CRB1: variants seen among roughly 807,000 people sequenced by gnomAD.
CRB1 encodes the protein crumbs cell polarity complex component 1, also known as protein crumbs homolog 1.
In CRB1, 83 loss-of-function variants were observed where a neutral mutation model predicts 120.0. The ratio of observed to expected loss-of-function variants is 0.69; its 90% CI spans 0.58 to 0.83. CRB1 has a LOEUF of 0.83. Among genes scored for constraint, CRB1 ranks in the 40% least tolerant of loss-of-function variants. The probability of loss-of-function intolerance (pLI) is 0.00; values close to 1 mark genes in which losing one functional copy is unlikely to be tolerated. For synonymous variants in CRB1, 625 were observed against 612.5 expected (o/e 1.02, Z -0.30); for missense variants, 1,699 against 1,687.6 (o/e 1.01, Z -0.12).
At chr1:197,260,098 CTG>C in the CRB1 span, among the ~76,000 whole-genome samples, 1 of 151,610 alleles carries the variant, frequency 6.6e-6, no homozygotes, top group East Asian at 1.9e-4. Flanking sequence ...TGGCCACAAA[CTG>C]AGATTGCGCT....
intron 5 of CRB1, among the ~76,000 whole-genome samples, chr1:197,414,222 A>G (rs1020449942): frequency 1.3e-5 from 2 of 152,182 alleles, no homozygotes; most frequent in Non-Finnish European, 2.9e-5. Context: ...TCCTAAGTCA[A>G]TCAAAACAGA....
At chr1:197,458,091 G>T (rs1250973905) in intron 11 of CRB1, among the ~76,000 whole-genome samples, 1 of 152,036 alleles carries the variant, frequency 6.6e-6, no homozygotes, top group South Asian at 2.1e-4. Flanking sequence ...CCGAACGAGG[G>T]TTATAGACAA....
rs1262250136 is a variant in CRB1 at position 197,477,797 on chromosome 1, G to A, written c.4139G>A (p.Ser1380Asn). The change falls in exon 12 of 12, where the codon AGC (serine) becomes AAC (asparagine). Residue 1380 changes from serine (S) to asparagine (N), a missense_variant. Physicochemically the swap from Ser to Asn is conservative, Grantham distance 46. Coordinates refer to ENST00000367400, the MANE Select transcript of CRB1 (RefSeq NM_201253.3). ...AAAAGGGCAACTCAGGGAACCTACA[G>A]CCCCAGCCGTCAGGAGAAGGAGGGC... Reference protein sequence around the residue: ...SNKRATQGTYSPSRQEKEGSR... With the variant: ...SNKRATQGTYNPSRQEKEGSR... The A allele has an allele frequency of 6.2e-7, 1 of 1,613,864 alleles. No individual in the cohort carries two copies. The highest frequency in any genetic ancestry group is 1.7e-5 in the Admixed American group (1 of 59,970).
chr1:197,281,964 T>C (rs1402434554), intron 1 of CRB1, among the ~76,000 whole-genome samples: 1 of 150,832 alleles, frequency 6.6e-6, no homozygotes, highest in South Asian at 2.1e-4. Flanking sequence ...AAGAGTATAA[T>C]AAAAAAAATT....
intron 5 of CRB1, among the ~76,000 whole-genome samples, chr1:197,381,291 T>C (rs1661943119): frequency 6.6e-6 from 1 of 152,196 alleles, no homozygotes; most frequent in South Asian, 2.1e-4. Context: ...ATATATATAA[T>C]AGAAAAATAA....
chr1:197,301,971 A>G (rs927517206), intron 1 of CRB1, among the ~76,000 whole-genome samples: 6 of 152,240 alleles, frequency 3.9e-5, no homozygotes, highest in African/African-American at 1.2e-4. Flanking sequence ...AGAATATTAC[A>G]TAAACATAAC....
Position 197,447,942 on chromosome 1 carries a change from C to G in CRB1, c.4005+5650C>G, listed in dbSNP as rs547996948. On this transcript the variant is annotated intron_variant, in intron 11 of 11. Transcript: ENST00000367400. ...GTCTGTGCTGTATTCTGCATATATT[C>G]CCTATTGCTATCTTCCAAGCACTGA... Among the ~76,000 whole-genome samples the G allele has an allele frequency of 4.6e-5, 7 of 151,812 alleles. No individual in the cohort carries two copies. In the East Asian group the frequency reaches 1.4e-3, roughly 29 times the overall value.
At chr1:197,284,765 T>C (rs1289772942) in intron 1 of CRB1, among the ~76,000 whole-genome samples, 4 of 151,820 alleles carry the variant, frequency 2.6e-5, no homozygotes, top group African/African-American at 9.7e-5. Flanking sequence ...ATTGAATTTG[T>C]TTTTTCAAAA....
chr1:197,302,015 C>T (rs917674145), intron 1 of CRB1, among the ~76,000 whole-genome samples: 18 of 152,112 alleles, frequency 1.2e-4, no homozygotes, highest in African/African-American at 4.3e-4. Context: ...AGAGGATTGA[C>T]TCCAATTTTG....
At chr1:197,256,290 T>A in the CRB1 span, among the ~76,000 whole-genome samples, 2 of 151,836 alleles carry the variant, frequency 1.3e-5, no homozygotes, top group Admixed American at 1.3e-4. Flanking sequence ...CTTGGTCTTG[T>A]TCTTTTAGAT....
chr1:197,246,663 GA>G, the CRB1 span, among the ~76,000 whole-genome samples: 1 of 151,878 alleles, frequency 6.6e-6, no homozygotes. Context: ...TTAAGTGATT[GA>G]AAAAAAGATC....
At chr1:197,316,209 G>A (rs1210928415) in intron 1 of CRB1, among the ~76,000 whole-genome samples, 1 of 151,540 alleles carries the variant, frequency 6.6e-6, no homozygotes, top group Non-Finnish European at 1.5e-5. Flanking sequence ...TTTTGAGACG[G>A]AGTCTCACTC....
At chr1:197,353,028 G>T (rs1436913397) in intron 4 of CRB1, among the ~76,000 whole-genome samples, 5 of 152,152 alleles carry the variant, frequency 3.3e-5, no homozygotes, top group Non-Finnish European at 7.4e-5. Context: ...TAAATAAAAT[G>T]AACACAGTCT....
At chr1:197,301,189 C>T (rs557204950) in intron 1 of CRB1, among the ~76,000 whole-genome samples, 33 of 150,516 alleles carry the variant, frequency 2.2e-4, no homozygotes, top group African/African-American at 6.8e-4. Flanking sequence ...TTTTTAAGAC[C>T]GAGTATCACT....
chr1:197,375,913 G>A (rs933400455), intron 5 of CRB1, among the ~76,000 whole-genome samples: 2 of 151,836 alleles, frequency 1.3e-5, no homozygotes, highest in Admixed American at 6.6e-5. Flanking sequence ...TTCACTTCCC[G>A]GTAACCTCCC....
At chr1:197,210,437 C>A in the CRB1 span, among the ~76,000 whole-genome samples, 1 of 152,148 alleles carries the variant, frequency 6.6e-6, no homozygotes, top group African/African-American at 2.4e-5. Context: ...AAGGTAGAAA[C>A]CCTAACTGAG....
chr1:197,276,534 A>C (rs1297622203), intron 1 of CRB1, among the ~76,000 whole-genome samples: 4 of 151,876 alleles, frequency 2.6e-5, no homozygotes, highest in African/African-American at 9.7e-5. Context: ...AAGAGAGACA[A>C]AAACCAAATA....
intron 11 of CRB1, among the ~76,000 whole-genome samples, chr1:197,472,602 A>G (rs1571633974): frequency 6.6e-6 from 1 of 152,312 alleles, no homozygotes; most frequent in African/African-American, 2.4e-5. Flanking sequence ...GGCCCTAAAT[A>G]TCATGAAAGA....
At chr1:197,225,145 G>A in the CRB1 span, among the ~76,000 whole-genome samples, 1 of 151,632 alleles carries the variant, frequency 6.6e-6, no homozygotes, top group Non-Finnish European at 1.5e-5. Flanking sequence ...TCTTGTCCAA[G>A]TCCATACAAT....
Sources: allele counts gnomAD v4.1 joint callset (sites outside exome capture counted in the v4.1 genomes callset), GRCh38; gene constraint gnomAD v4.1.1; transcripts MANE v1.5; gene names NCBI Gene and HGNC (gene_info 2026-07-23, HGNC 2026-07-21).